PTPRD: variants seen among roughly 807,000 people sequenced by gnomAD.
PTPRD encodes the protein protein tyrosine phosphatase receptor type D, also known as receptor-type tyrosine-protein phosphatase delta.
Under a neutral mutation model 214.5 loss-of-function variants are expected in PTPRD, and 34 were observed. The ratio of observed to expected loss-of-function variants is 0.16; its 90% CI spans 0.12 to 0.21. PTPRD has a LOEUF of 0.21. Ranked by LOEUF, PTPRD falls within the 10% of genes least tolerant of loss-of-function variation. The pLI is 1.00. For synonymous variants in PTPRD, 1,128 were observed against 845.7 expected (o/e 1.33, Z -5.79); for missense variants, 2,545 against 2,398.7 (o/e 1.06, Z -1.27).
chr9:10,565,818 C>G (rs921256426), intron 2 of PTPRD, among the ~76,000 whole-genome samples: 1 of 151,740 alleles, frequency 6.6e-6, no homozygotes, highest in African/African-American at 2.4e-5. Flanking sequence ...TGTTAATATA[C>G]AGAAAAATAC....
intron 26 of PTPRD, among the ~76,000 whole-genome samples, chr9:8,496,023 A>G (rs2097258303): frequency 6.6e-6 from 1 of 152,038 alleles, no homozygotes; most frequent in South Asian, 2.1e-4. Context: ...AGCTCTATTT[A>G]CCACTGAGTT....
At chr9:10,330,666 G>A (rs1308335632) in intron 3 of PTPRD, among the ~76,000 whole-genome samples, 2 of 151,758 alleles carry the variant, frequency 1.3e-5, no homozygotes, top group Non-Finnish European at 2.9e-5. Flanking sequence ...AGAGATATTT[G>A]CACACGATTT....
intron 14 of PTPRD, among the ~76,000 whole-genome samples, chr9:8,578,525 T>C (rs560526106): frequency 6.6e-6 from 1 of 152,314 alleles, no homozygotes; most frequent in South Asian, 2.1e-4. Flanking sequence ...TTCTCTAGGC[T>C]GTCAATACAA....
chr9:8,418,396 C>T (rs2094110409), intron 35 of PTPRD, among the ~76,000 whole-genome samples: 1 of 152,024 alleles, frequency 6.6e-6, no homozygotes, highest in African/African-American at 2.4e-5. Flanking sequence ...AGCCTTGTAG[C>T]ATTTCTTCTT....
At chr9:9,594,380 A>G (rs2093069951) in intron 7 of PTPRD, among the ~76,000 whole-genome samples, 1 of 151,998 alleles carries the variant, frequency 6.6e-6, no homozygotes, top group Non-Finnish European at 1.5e-5. Context: ...TTCCAATGTT[A>G]GCTTGTAGAA....
intron 39 of PTPRD, among the ~76,000 whole-genome samples, chr9:8,361,886 C>G (rs1016647382): frequency 2.6e-5 from 4 of 152,218 alleles, no homozygotes; most frequent in Non-Finnish European, 5.9e-5. Context: ...GCAGAAATAA[C>G]AAAGAGGATC....
At chr9:8,578,437 T>C (rs777956490) in intron 14 of PTPRD, among the ~76,000 whole-genome samples, 4 of 152,220 alleles carry the variant, frequency 2.6e-5, no homozygotes, top group Non-Finnish European at 5.9e-5. Flanking sequence ...ATAACTGATA[T>C]TAAAAGCTGT....
intron 5 of PTPRD, among the ~76,000 whole-genome samples, chr9:9,797,588 G>A (rs1228598312): frequency 1.3e-5 from 2 of 152,172 alleles, no homozygotes; most frequent in Non-Finnish European, 2.9e-5. Flanking sequence ...GCTCATGCCT[G>A]TAATCCCAGC....
chr9:8,568,811 T>C (rs1029136457), intron 14 of PTPRD, among the ~76,000 whole-genome samples: 1 of 152,040 alleles, frequency 6.6e-6, no homozygotes, highest in Non-Finnish European at 1.5e-5. Context: ...ATGAATATTT[T>C]AGAAAATGTC....
intron 39 of PTPRD, among the ~76,000 whole-genome samples, chr9:8,368,215 C>G (rs1032357148): frequency 1.3e-5 from 2 of 152,152 alleles, no homozygotes; most frequent in Non-Finnish European, 2.9e-5. Context: ...ATTCCGCTTA[C>G]TAGTTAAGTA....
At chr9:9,186,005 A>C (rs1049773139) in intron 9 of PTPRD, among the ~76,000 whole-genome samples, 2 of 152,050 alleles carry the variant, frequency 1.3e-5, no homozygotes, top group African/African-American at 4.8e-5. Flanking sequence ...ATAGAAAAAA[A>C]TGTAATCCTT....
chr9:9,202,434 G>C (rs971630853), intron 9 of PTPRD, among the ~76,000 whole-genome samples: 1 of 152,206 alleles, frequency 6.6e-6, no homozygotes. Context: ...CTGTTTTCCA[G>C]TATTCTACTA....
intron 12 of PTPRD, chr9:8,700,593 T>G (rs1188646785): frequency 6.6e-6 from 1 of 152,214 alleles, no homozygotes; most frequent in Non-Finnish European, 1.5e-5. Context: ...TTCATTCATT[T>G]GTAAAAACAG....
At chr9:9,895,613 A>G (rs1256151980) in intron 5 of PTPRD, among the ~76,000 whole-genome samples, 1 of 152,036 alleles carries the variant, frequency 6.6e-6, no homozygotes, top group Non-Finnish European at 1.5e-5. Flanking sequence ...GGGTTTGGAA[A>G]ATGATGGTCA....
Position 10,234,161 on chromosome 9 carries a change from G to A in PTPRD, c.-545+106802C>T, listed in dbSNP as rs146951867. Among the ~76,000 whole-genome samples, 1,483 of 151,688 alleles carry A rather than the reference G, an allele frequency of 9.8e-3. 29 individuals are homozygous for A. Among genetic ancestry groups the A allele is most frequent in the African/African-American group, 0.034 (1,391 of 41,408 alleles). On this transcript the variant is annotated intron_variant, in intron 3 of 45. Transcript: ENST00000381196. ...CACAGCTACTCAGGAGGCTGATGCA[G>A]GAGAATTGCTTGAACCCGGGAGGCA...
At chr9:9,955,687 C>A (rs1246465269) in intron 4 of PTPRD, among the ~76,000 whole-genome samples, 3 of 152,062 alleles carry the variant, frequency 2.0e-5, no homozygotes, top group South Asian at 2.1e-4. Context: ...CCATGCCCGA[C>A]TAATTTTTTG....
At chr9:9,362,636 A>C (rs1359776811) in intron 9 of PTPRD, among the ~76,000 whole-genome samples, 2 of 151,340 alleles carry the variant, frequency 1.3e-5, no homozygotes, top group East Asian at 3.9e-4. Context: ...ACTTACCCCT[A>C]AGAACAATTT....
chr9:8,900,274 G>A (rs972536269), intron 11 of PTPRD, among the ~76,000 whole-genome samples: 1 of 152,116 alleles, frequency 6.6e-6, no homozygotes. Context: ...TTTAAAGGAG[G>A]CAACAGGTTA....
chr9:10,155,816 C>CT (rs1347839506), intron 3 of PTPRD, among the ~76,000 whole-genome samples: 2 of 151,922 alleles, frequency 1.3e-5, no homozygotes, highest in African/African-American at 4.8e-5. Context: ...GGTGGATAAG[C>CT]TTTTTTAATG....
Sources: allele counts gnomAD v4.1 joint callset (sites outside exome capture counted in the v4.1 genomes callset), GRCh38; gene constraint gnomAD v4.1.1; transcripts MANE v1.5; gene names NCBI Gene and HGNC (gene_info 2026-07-23, HGNC 2026-07-21).